ST8SIA1: variants seen among roughly 807,000 people sequenced by gnomAD.
ST8SIA1 encodes ST8 alpha-N-acetyl-neuraminide alpha-2,8-sialyltransferase 1.
ST8SIA1 carries 16 observed loss-of-function variants against 35.9 expected under a neutral mutation model. The ratio of observed to expected loss-of-function variants is 0.45; its 90% confidence interval spans 0.30 to 0.68. ST8SIA1 has a LOEUF of 0.68. Ranked by LOEUF, ST8SIA1 falls within the 30% of genes least tolerant of loss-of-function variation. ST8SIA1 has a pLI of 0.09. For missense variants in ST8SIA1, 383 were observed against 453.6 expected (o/e 0.84, Z 1.41); for synonymous variants, 170 against 169.6 (o/e 1.00, Z -0.02).
intron 4 of ST8SIA1, among the ~76,000 whole-genome samples, chr12:22,216,909 T>C (rs1177831668): frequency 6.6e-6 from 1 of 152,236 alleles, no homozygotes; most frequent in Non-Finnish European, 1.5e-5. Flanking sequence ...GATACTTTGA[T>C]TGCCTTCACA....
intron 4 of ST8SIA1, among the ~76,000 whole-genome samples, chr12:22,246,571 G>A (rs1019445849): frequency 2.0e-5 from 3 of 152,270 alleles, no homozygotes; most frequent in African/African-American, 7.2e-5. Flanking sequence ...ACCGGTCACT[G>A]GAAAGAGCCA....
chr12:22,294,207 T>C (rs975697205), intron 1 of ST8SIA1, among the ~76,000 whole-genome samples: 12 of 152,020 alleles, frequency 7.9e-5, no homozygotes, highest in African/African-American at 2.9e-4. Context: ...ATATTGTGTT[T>C]TGAGAATCAA....
chr12:22,233,226 A>T (rs1401098344), intron 4 of ST8SIA1, among the ~76,000 whole-genome samples: 1 of 152,220 alleles, frequency 6.6e-6, no homozygotes, highest in Non-Finnish European at 1.5e-5. Flanking sequence ...TCACAATGAC[A>T]TCAGTTTTCT....
chr12:22,263,871 G>C lies in ST8SIA1; in HGVS notation c.382-8482C>G, dbSNP rs1865818127. On this transcript the variant is annotated intron_variant, in intron 2 of 4. Transcript: ENST00000396037. ...ACCATATTGGAAAAGCACAGAGTTTGCTTTGCAAGCCTTCAGAGTGGTCTG... is the reference window on the plus strand; with the variant it reads ...ACCATATTGGAAAAGCACAGAGTTTCCTTTGCAAGCCTTCAGAGTGGTCTG... 2.0e-5 allele frequency among the ~76,000 whole-genome samples: 3 copies of C among 152,190 alleles called. No homozygotes were observed. In the South Asian group the frequency reaches 6.2e-4, roughly 32 times the overall value.
intron 1 of ST8SIA1, among the ~76,000 whole-genome samples, chr12:22,316,742 A>G (rs143748081): frequency 2.0e-5 from 3 of 152,320 alleles, no homozygotes; most frequent in African/African-American, 7.2e-5. Flanking sequence ...CTTAACAAAT[A>G]AAGAACACTT....
At chr12:22,210,973 C>T (rs571490305) in intron 4 of ST8SIA1, among the ~76,000 whole-genome samples, 3 of 152,242 alleles carry the variant, frequency 2.0e-5, no homozygotes, top group East Asian at 1.9e-4. Context: ...CCACTTTCTG[C>T]GTGTCATTTT....
chr12:22,275,015 C>A (rs1413299423), intron 2 of ST8SIA1, among the ~76,000 whole-genome samples: 1 of 151,986 alleles, frequency 6.6e-6, no homozygotes, highest in African/African-American at 2.4e-5. Context: ...GAGATATATA[C>A]AAATTTGGGG....
intron 4 of ST8SIA1, among the ~76,000 whole-genome samples, chr12:22,220,126 C>T (rs142901341): frequency 6.6e-6 from 1 of 152,256 alleles, no homozygotes; most frequent in African/African-American, 2.4e-5. Flanking sequence ...AACCTTGGAA[C>T]TTATATTTAA....
intron 4 of ST8SIA1, among the ~76,000 whole-genome samples, chr12:22,247,989 C>T (rs1490414881): frequency 6.6e-6 from 1 of 152,108 alleles, no homozygotes; most frequent in Non-Finnish European, 1.5e-5. Context: ...TATAATGTAT[C>T]CTTTTTTTCC....
Position 22,197,766 on chromosome 12 carries a change from C to T in ST8SIA1, c.*3786G>A, listed in dbSNP as rs184488852. 1 of 152,172 alleles carries T rather than the reference C, an allele frequency of 6.6e-6. No individual in the cohort carries two copies. The highest frequency in any genetic ancestry group is 2.4e-5 in the African/African-American group (1 of 41,448). The allele number at this position is 152,172 out of a possible 1,614,324, so 9.4% of individuals were successfully genotyped here. ...CAATTTTTTTTAGCCAAGAGAAAGA[C>T]ATGAGACATCACAAAGCCAAACACA... On this transcript the variant is annotated 3_prime_UTR_variant, in exon 5 of 5. Coordinates refer to ENST00000396037, the MANE Select transcript of ST8SIA1 (RefSeq NM_003034.4).
chr12:22,247,757 AT>A (rs1450142064), intron 4 of ST8SIA1, among the ~76,000 whole-genome samples: 1 of 152,144 alleles, frequency 6.6e-6, no homozygotes, highest in African/African-American at 2.4e-5. Context: ...AAAATTTTAA[AT>A]TGCAATAGAA....
intron 2 of ST8SIA1, among the ~76,000 whole-genome samples, chr12:22,272,601 A>G (rs1219517086): frequency 1.3e-5 from 2 of 152,262 alleles, no homozygotes; most frequent in East Asian, 1.9e-4. Flanking sequence ...ACTAACAGGG[A>G]GACAGTATGT....
chr12:22,255,210 C>T (rs1440759951), intron 3 of ST8SIA1, 70 bp downstream of exon 3: 1 of 1,277,658 alleles, frequency 7.8e-7, no homozygotes, highest in Non-Finnish European at 1.1e-6. Flanking sequence ...TTTGAAAAGC[C>T]CCAGGGCTTA....
chr12:22,251,977 C>A (rs1172993368), intron 3 of ST8SIA1, among the ~76,000 whole-genome samples: 1 of 152,160 alleles, frequency 6.6e-6, no homozygotes, highest in East Asian at 1.9e-4. Context: ...GTCCCCAAGC[C>A]AACCAGTTCC....
At chr12:22,314,916 C>T (rs989554920) in intron 1 of ST8SIA1, among the ~76,000 whole-genome samples, 2 of 152,146 alleles carry the variant, frequency 1.3e-5, no homozygotes, top group African/African-American at 4.8e-5. Context: ...TTTCATTTCT[C>T]CCACTCACAT....
chr12:22,233,054 C>A (rs1865436791), intron 4 of ST8SIA1, among the ~76,000 whole-genome samples: 1 of 152,034 alleles, frequency 6.6e-6, no homozygotes, highest in African/African-American at 2.4e-5. Flanking sequence ...AAGGACATAA[C>A]CTTGCAGATT....
At chr12:22,246,638 G>A (rs1865606736) in intron 4 of ST8SIA1, among the ~76,000 whole-genome samples, 2 of 152,000 alleles carry the variant, frequency 1.3e-5, no homozygotes, top group African/African-American at 2.4e-5. Context: ...TGAGAACAGA[G>A]GAAAAAGCAG....
intron 4 of ST8SIA1, among the ~76,000 whole-genome samples, chr12:22,228,673 G>A (rs1469724205): frequency 6.6e-6 from 1 of 152,204 alleles, no homozygotes; most frequent in Non-Finnish European, 1.5e-5. Context: ...AGCTACTGGT[G>A]AGTGTGGTCC....
At chr12:22,229,615 CAAAAA>C (rs11290260) in intron 4 of ST8SIA1, among the ~76,000 whole-genome samples, 3,999 of 93,836 alleles carry the variant, frequency 0.043, 172 homozygotes, top group South Asian at 0.21. Flanking sequence ...GACCGGGTTT[CAAAAA>C]AAAAAAAAAA....
Sources: gnomAD v4.1 joint callset for allele counts (sites outside exome capture counted in the v4.1 genomes callset) on GRCh38, gnomAD v4.1.1 for gene constraint, MANE v1.5 for transcripts, NCBI Gene and HGNC (gene_info 2026-07-23, HGNC 2026-07-21) for gene names.